KDM4C: variants seen among roughly 807,000 people sequenced by gnomAD.
The protein encoded by KDM4C is lysine demethylase 4C.
In KDM4C, 81 loss-of-function variants were observed where a neutral mutation model predicts 129.3. That is an observed-to-expected ratio of 0.63 (90% confidence interval 0.52 to 0.75). The LOEUF (loss-of-function observed/expected upper bound fraction) is 0.75, where lower values mean the gene tolerates loss of function less well. KDM4C is among the 30% of genes least tolerant of loss of function. KDM4C has a pLI of 0.00. For missense variants in KDM4C, 1,457 were observed against 1,304.0 expected (o/e 1.12, Z -1.81); for synonymous variants, 573 against 456.1 (o/e 1.26, Z -3.26).
At chr9:7,019,502 A>G (rs1026728831) in intron 15 of KDM4C, among the ~76,000 whole-genome samples, 11 of 151,794 alleles carry the variant, frequency 7.2e-5, no homozygotes, top group Non-Finnish European at 1.6e-4. Flanking sequence ...TCAGGAACGT[A>G]AAATATTCCT....
intron 1 of KDM4C, among the ~76,000 whole-genome samples, chr9:6,788,688 A>G (rs1032186079): frequency 6.6e-6 from 1 of 152,156 alleles, no homozygotes; most frequent in Admixed American, 6.5e-5. Context: ...TAGGGCTTAA[A>G]GAGGTGGCGA....
intron 5 of KDM4C, among the ~76,000 whole-genome samples, chr9:6,870,930 G>A (rs1394545982): frequency 6.6e-6 from 1 of 152,200 alleles, no homozygotes; most frequent in Non-Finnish European, 1.5e-5. Context: ...GATGTCACAA[G>A]GTGAGTGGAA....
At chr9:7,029,929 A>G (rs1461796107) in intron 15 of KDM4C, among the ~76,000 whole-genome samples, 3 of 152,220 alleles carry the variant, frequency 2.0e-5, no homozygotes, top group Admixed American at 2.0e-4. Flanking sequence ...AACTCCAAAT[A>G]AAGTATCAGT....
intron 17 of KDM4C, among the ~76,000 whole-genome samples, chr9:7,075,100 G>A (rs1449737125): frequency 1.3e-5 from 2 of 152,148 alleles, no homozygotes; most frequent in Non-Finnish European, 2.9e-5. Flanking sequence ...CCAGCAGAAA[G>A]CATCCCAGCT....
At chr9:6,738,584 C>G (rs1050504675) in intron 1 of KDM4C, among the ~76,000 whole-genome samples, 1 of 152,102 alleles carries the variant, frequency 6.6e-6, no homozygotes, top group Admixed American at 6.6e-5. Context: ...CACAGGTGGG[C>G]ACCACCACGC....
At chr9:6,841,831 G>T (rs114169255) in intron 4 of KDM4C, among the ~76,000 whole-genome samples, 4 of 152,212 alleles carry the variant, frequency 2.6e-5, no homozygotes, top group Non-Finnish European at 4.4e-5. Context: ...AGTTCTAGCA[G>T]ACCTTCCCTG....
intron 1 of KDM4C, among the ~76,000 whole-genome samples, chr9:6,790,335 C>T (rs958938257): frequency 6.6e-6 from 1 of 151,156 alleles, no homozygotes; most frequent in Non-Finnish European, 1.5e-5. Flanking sequence ...AGCTCCGCCT[C>T]CTGGATTCAT....
intron 17 of KDM4C, chr9:7,076,997 T>C: frequency 1.0e-6 from 1 of 985,572 alleles, no homozygotes; most frequent in Non-Finnish European, 1.2e-6. Flanking sequence ...ATCCACTCTA[T>C]GTCTGTCAGC....
chr9:6,995,710 C>G (rs1052631838), intron 12 of KDM4C, among the ~76,000 whole-genome samples: 2 of 152,034 alleles, frequency 1.3e-5, no homozygotes, highest in Middle Eastern at 3.4e-3. Flanking sequence ...CTCGCACTGT[C>G]GCCCAGGCTG....
intron 8 of KDM4C, among the ~76,000 whole-genome samples, chr9:6,952,677 T>C (rs906582118): frequency 1.3e-5 from 2 of 151,986 alleles, no homozygotes; most frequent in Non-Finnish European, 2.9e-5. Context: ...CTGACCTCAG[T>C]TGATTCACCT....
chr9:6,849,986 T>C (rs1838543625), intron 5 of KDM4C, among the ~76,000 whole-genome samples: 1 of 152,186 alleles, frequency 6.6e-6, no homozygotes, highest in South Asian at 2.1e-4. Flanking sequence ...AATTGAAAAA[T>C]TCTTTTTCCA....
At chr9:6,959,240 A>G (rs1234542656) in intron 8 of KDM4C, among the ~76,000 whole-genome samples, 3 of 152,268 alleles carry the variant, frequency 2.0e-5, no homozygotes, top group Non-Finnish European at 4.4e-5. Context: ...TGAAATCCCC[A>G]TGCTGGTCCC....
intron 19 of KDM4C, among the ~76,000 whole-genome samples, chr9:7,131,431 C>T (rs10976060): frequency 7.2e-5 from 11 of 151,974 alleles, no homozygotes; most frequent in Non-Finnish European, 1.5e-4. Flanking sequence ...AGGAGATACA[C>T]TTGTAGAAAG....
At chr9:7,086,595 C>T (rs1835142517) in intron 17 of KDM4C, among the ~76,000 whole-genome samples, 1 of 152,152 alleles carries the variant, frequency 6.6e-6, no homozygotes, top group African/African-American at 2.4e-5. Context: ...TGGGCACCAC[C>T]CTGTTCAGCC....
chr9:6,804,061 G>A (rs1829514271), intron 2 of KDM4C, among the ~76,000 whole-genome samples: 1 of 152,142 alleles, frequency 6.6e-6, no homozygotes, highest in African/African-American at 2.4e-5. Flanking sequence ...GGCCTCAAGT[G>A]ATTTACCCAT....
chr9:6,981,232 A>AC, intron 9 of KDM4C, 114 bp downstream of exon 9: 1 of 734,816 alleles, frequency 1.4e-6, no homozygotes, highest in South Asian at 2.3e-5. Flanking sequence ...ATAACTTAAT[A>AC]CCTTTCTGAA....
intron 1 of KDM4C, among the ~76,000 whole-genome samples, chr9:6,772,692 C>CTT (rs111924156): frequency 3.9e-5 from 5 of 126,682 alleles, no homozygotes; most frequent in African/African-American, 5.8e-5. Context: ...TTTTCTTTTA[C>CTT]TTTTTTTTTT....
intron 4 of KDM4C, among the ~76,000 whole-genome samples, chr9:6,841,011 T>A (rs1836819817): frequency 6.6e-6 from 1 of 152,196 alleles, no homozygotes; most frequent in East Asian, 1.9e-4. Flanking sequence ...AGAAAGACTG[T>A]AGTCCTGCCC....
intron 17 of KDM4C, among the ~76,000 whole-genome samples, chr9:7,082,277 C>G (rs1301417340): frequency 6.6e-6 from 1 of 152,120 alleles, no homozygotes; most frequent in African/African-American, 2.4e-5. Context: ...AGACTCAGAC[C>G]AGAAGGCCCA....
Sources: allele counts gnomAD v4.1 joint callset (sites outside exome capture counted in the v4.1 genomes callset), GRCh38; gene constraint gnomAD v4.1.1; transcripts MANE v1.5; gene names NCBI Gene and HGNC (gene_info 2026-07-23, HGNC 2026-07-21).